The following ESRP2 variants were observed in gnomAD, a reference collection of about 807,000 sequenced individuals.
ESRP2 encodes epithelial splicing regulatory protein 2.
Under a neutral mutation model 78.6 loss-of-function variants are expected in ESRP2, and 48 were observed. The ratio of observed to expected loss-of-function variants is 0.61; its 90% confidence interval spans 0.48 to 0.78. The LOEUF is 0.78. Ranked by LOEUF, ESRP2 falls within the 30% of genes least tolerant of loss-of-function variation. The pLI, the probability that ESRP2 is intolerant of heterozygous loss-of-function variation, is 0.00. For missense variants in ESRP2, 863 were observed against 965.9 expected, an observed-to-expected ratio of 0.89 and a Z score of 1.41; for synonymous variants, 383 against 406.7, an observed-to-expected ratio of 0.94 and a Z score of 0.70.
chr16:68,236,115 G>T lies in ESRP2; in HGVS notation c.-70C>A. The T allele has an allele frequency of 7.4e-6, 10 of 1,346,608 alleles. No homozygotes were observed. The highest frequency in any genetic ancestry group is 9.5e-6 in the Non-Finnish European group (10 of 1,056,620). The allele number at this position is 1,346,608 out of a possible 1,614,324, so 83.4% of individuals were successfully genotyped here. Reference sequence around the variant, plus strand: ...AGGCGCACGCACGCACCGACCGACCGCAGACGCGGATCAGCTTGGGCGGGA... The same window carrying T: ...AGGCGCACGCACGCACCGACCGACCTCAGACGCGGATCAGCTTGGGCGGGA... On this transcript the variant is annotated 5_prime_UTR_variant, in exon 1 of 15. Transcript: ENST00000473183. The surrounding 1 kb of genome is among the most constrained non-coding windows in gnomAD (Gnocchi z 5.2).
chr16:68,233,754 T>C lies in ESRP2; in HGVS notation c.556+14A>G. The C allele has an allele frequency of 6.2e-7, 1 of 1,600,466 alleles. No individual in the cohort carries two copies. The highest frequency in any genetic ancestry group is 8.6e-7 in the Non-Finnish European group (1 of 1,168,120). On this transcript the variant is annotated intron_variant, in intron 4 of 14. Coordinates refer to ENST00000473183, the MANE Select transcript of ESRP2 (RefSeq NM_024939.3). ...AGTGGCTTCTCCACCCTAACCCTGCTGGGTCACAGATACCCTGTGCCATGG... is the reference window on the plus strand; with the variant it reads ...AGTGGCTTCTCCACCCTAACCCTGCCGGGTCACAGATACCCTGTGCCATGG...
chr16:68,233,718 CAT>C (rs1567565838), intron 4 of ESRP2, 48 bp downstream of exon 4: 1 of 1,361,564 alleles, frequency 7.3e-7, no homozygotes, highest in Admixed American at 1.7e-5. Flanking sequence ...TACTCAGACA[CAT>C]GTACCCACAG....
rs1331040877 is a variant in ESRP2, at chr16:68,231,309, C to T, written c.1580G>A (p.Arg527His). The change falls in exon 12 of 15, where the codon CGT becomes CAT. Residue 527 changes from arginine (R) to histidine (H), a missense_variant. Arg to His is a conservative substitution (Grantham distance 29). Transcript: ENST00000473183. This position sits in a 1 kb window ranked among gnomAD's most constrained non-coding sequence, Gnocchi z 6.0. ...SAERALAAAQ[R>H]CHKKVMKERY... Reference sequence around the variant, plus strand: ...CTCCTTCATCACCTTCTTATGGCAACGCTGAGCAGCAGCTAGGGCTCGCTC... The same window carrying T: ...CTCCTTCATCACCTTCTTATGGCAATGCTGAGCAGCAGCTAGGGCTCGCTC... The T allele has an allele frequency of 7.4e-6, 12 of 1,614,038 alleles. No homozygotes were observed. The highest frequency in any genetic ancestry group is 2.7e-5 in the African/African-American group (2 of 74,908).
chr16:68,234,559 C>T (rs565138328), intron 2 of ESRP2: 99 of 157,004 alleles, frequency 6.3e-4, no homozygotes, highest in African/African-American at 2.2e-3. Flanking sequence ...TCTGACCAAC[C>T]GAGGGGCAGA....
At position 68,231,465 on chromosome 16, in the gene ESRP2, C is replaced by T; in HGVS notation, c.1512+17G>A. On this transcript the variant is annotated intron_variant, in intron 11 of 14. Coordinates refer to ENST00000473183, the MANE Select transcript of ESRP2 (RefSeq NM_024939.3). The surrounding 1 kb of genome is among the most constrained non-coding windows in gnomAD (Gnocchi z 6.0). ...CCTTCCTATTTATGTGTTCCCCCTA[C>T]CAAGCAGTGGCTTCACCTGCTGGTT... 2 of 1,614,000 alleles carry T rather than the reference C, an allele frequency of 1.2e-6. No homozygotes were observed. Among genetic ancestry groups the T allele is most frequent in the Non-Finnish European group, 1.7e-6 (2 of 1,179,944 alleles).
chr16:68,230,013 C>T lies in ESRP2; in HGVS notation c.*213G>A, dbSNP rs1366853817. The T allele has an allele frequency of 5.0e-6, 3 of 594,346 alleles. No individual in the cohort carries two copies. In the African/African-American group the frequency reaches 5.6e-5, roughly 11 times the overall value. 36.8% of individuals were successfully genotyped at this position (594,346 alleles called of 1,614,324 possible). A position where few individuals can be genotyped will look rare whatever the true frequency, so the allele number is the denominator to read the frequency against. ...AGGAGCTGGTTAGCCCCATTCCACC[C>T]CCAGCCCTGCATGCAGGGTCCAGCC... On this transcript the variant is annotated 3_prime_UTR_variant, in exon 15 of 15. Transcript: ENST00000473183.
In ESRP2 at chr16:68,235,487, C is replaced by G; in HGVS notation, c.327+147G>C. 1 of 1,446,458 alleles carries G rather than the reference C, an allele frequency of 6.9e-7. No individual in the cohort carries two copies. The highest frequency in any genetic ancestry group is 9.0e-7 in the Non-Finnish European group (1 of 1,105,122). 89.6% of individuals were successfully genotyped at this position (1,446,458 alleles called of 1,614,324 possible). ...CGCGGATGAAAGGGGCACGCACACG[C>G]GAGAGTCGCTCAAAGTTTCAAACAA... On this transcript the variant is annotated intron_variant, in intron 2 of 14. Coordinates refer to ENST00000473183, the MANE Select transcript of ESRP2 (RefSeq NM_024939.3). The surrounding 1 kb of genome is among the most constrained non-coding windows in gnomAD (Gnocchi z 5.5).
Position 68,233,990 on chromosome 16 carries a change from A to G in ESRP2, c.441+4T>C, listed in dbSNP as rs760053440. On this transcript the variant is annotated splice_donor_region_variant and intron_variant, in intron 3 of 14. Coordinates refer to ENST00000473183, the MANE Select transcript of ESRP2 (RefSeq NM_024939.3). ...CCCCACCCGGTTTTCCTTCAGGAGC[A>G]TACCTTCCTGGAGGCCTCGGGGTGC... 3 of 1,613,404 alleles carry G rather than the reference A, an allele frequency of 1.9e-6. No individual in the cohort carries two copies. The highest frequency in any genetic ancestry group is 3.3e-5 in the Admixed American group (2 of 60,000).
chr16:68,233,437 G>A lies in ESRP2; in HGVS notation c.557-12C>T. On this transcript the variant is annotated splice_polypyrimidine_tract_variant and intron_variant, in intron 4 of 14. Transcript: ENST00000473183. Reference sequence around the variant, plus strand: ...CTCCAGTCCTAAACCTATGGGCAGAGAAGTGACAGTGAAGACATCTTAGCA... The same window carrying A: ...CTCCAGTCCTAAACCTATGGGCAGAAAAGTGACAGTGAAGACATCTTAGCA... 7.5e-6 allele frequency: 12 copies of A among 1,596,350 alleles called. No individual in the cohort carries two copies. Among genetic ancestry groups the A allele is most frequent in the Non-Finnish European group, 1.0e-5 (12 of 1,163,784 alleles).
Position 68,235,820 on chromosome 16 carries a change from G to A in ESRP2, c.198+28C>T. On this transcript the variant is annotated intron_variant, in intron 1 of 14. Transcript: ENST00000473183. This position sits in a 1 kb window ranked among gnomAD's most constrained non-coding sequence, Gnocchi z 5.5. ...CCCCTCGACCCCGGAAGCTCCCTGG[G>A]GACCTCACCGCCTCTTTTCCACCCT... 6.8e-6 allele frequency: 11 copies of A among 1,610,914 alleles called. No homozygotes were observed. Among genetic ancestry groups the A allele is most frequent in the Non-Finnish European group, 9.3e-6 (11 of 1,179,092 alleles).
chr16:68,236,069 G>T lies in ESRP2; in HGVS notation c.-24C>A. 7 of 1,403,806 alleles carry T rather than the reference G, an allele frequency of 5.0e-6. No individual in the cohort carries two copies. The highest frequency in any genetic ancestry group is 6.4e-6 in the Non-Finnish European group (7 of 1,091,202). 87.0% of individuals were successfully genotyped at this position (1,403,806 alleles called of 1,614,324 possible). A position where few individuals can be genotyped will look rare whatever the true frequency, so the allele number is the denominator to read the frequency against. On this transcript the variant is annotated 5_prime_UTR_variant, in exon 1 of 15. Coordinates refer to ENST00000473183, the MANE Select transcript of ESRP2 (RefSeq NM_024939.3). This position sits in a 1 kb window ranked among gnomAD's most constrained non-coding sequence, Gnocchi z 5.2. ...ATGGCCGCAGAGGAAGGGGGCTCTC[G>T]GCCAGACACGCGGACCGACGAGGCG...
rs1168445858 is a variant in ESRP2, at chr16:68,235,225, A to T, written c.327+409T>A. On this transcript the variant is annotated intron_variant, in intron 2 of 14. Transcript: ENST00000473183. This position sits in a 1 kb window ranked among gnomAD's most constrained non-coding sequence, Gnocchi z 5.5. ...CTACGCCTCCGCTCCAGCAGCTCCC[A>T]AGCAGGCCGAAGACGCGGGCCGCAA... 1.0e-6 allele frequency: 1 copy of T among 985,200 alleles called. No homozygotes were observed. Among genetic ancestry groups the T allele is most frequent in the African/African-American group, 1.7e-5 (1 of 57,202 alleles). The allele number at this position is 985,200 out of a possible 1,614,324, so 61.0% of individuals were successfully genotyped here.
Position 68,231,389 on chromosome 16 carries a change from T to C in ESRP2, c.1513-13A>G. ...CCGATGGCCGGCCCTGTGCACACCA[T>C]CTTGTGAGCAGTTTGTCATGTGTAA... On this transcript the variant is annotated splice_polypyrimidine_tract_variant and intron_variant, in intron 11 of 14. Coordinates refer to ENST00000473183, the MANE Select transcript of ESRP2 (RefSeq NM_024939.3). This position sits in a 1 kb window ranked among gnomAD's most constrained non-coding sequence, Gnocchi z 6.0. 1 of 1,614,020 alleles carries C rather than the reference T, an allele frequency of 6.2e-7. No individual in the cohort carries two copies. Among genetic ancestry groups the C allele is most frequent in the Non-Finnish European group, 8.5e-7 (1 of 1,179,964 alleles).
At position 68,236,098 on chromosome 16, in the gene ESRP2, GCACGCA is replaced by G; in HGVS notation, c.-59_-54del. 2 of 1,370,124 alleles carry G rather than the reference GCACGCA, an allele frequency of 1.5e-6. No homozygotes were observed. Among genetic ancestry groups the G allele is most frequent in the Non-Finnish European group, 1.9e-6 (2 of 1,071,242 alleles). The allele number at this position is 1,370,124 out of a possible 1,614,324, so 84.9% of individuals were successfully genotyped here. On this transcript the variant is annotated 5_prime_UTR_variant, in exon 1 of 15. Transcript: ENST00000473183. The surrounding 1 kb of genome is among the most constrained non-coding windows in gnomAD (Gnocchi z 5.2). Reference sequence around the variant, plus strand: ...AGACACGCGGACCGACGAGGCGCACGCACGCACCGACCGACCGCAGACGCGGATCAG... The same window carrying G: ...AGACACGCGGACCGACGAGGCGCACGCCGACCGACCGCAGACGCGGATCAG...
chr16:68,235,836 T>A lies in ESRP2; in HGVS notation c.198+12A>T, dbSNP rs1211601538. On this transcript the variant is annotated intron_variant, in intron 1 of 14. Coordinates refer to ENST00000473183, the MANE Select transcript of ESRP2 (RefSeq NM_024939.3). This position sits in a 1 kb window ranked among gnomAD's most constrained non-coding sequence, Gnocchi z 5.5. ...GCTCCCTGGGGACCTCACCGCCTCT[T>A]TTCCACCCTACCTGGCGGCTCCGCG... is the stretch of plus-strand genomic sequence containing the variant. 1 of 1,611,616 alleles carries A rather than the reference T, an allele frequency of 6.2e-7. No individual in the cohort carries two copies. Among genetic ancestry groups the A allele is most frequent in the African/African-American group, 1.3e-5 (1 of 74,886 alleles).
Position 68,231,652 on chromosome 16 carries a change from T to A in ESRP2, c.1342A>T (p.Thr448Ser). Residue 448 changes from threonine to serine, a missense_variant, in exon 11 of 15, where the codon ACT (threonine) becomes TCT (serine). Transcript: ENST00000473183. The surrounding 1 kb of genome is among the most constrained non-coding windows in gnomAD (Gnocchi z 6.0). The stretch of plus-strand genomic sequence containing the variant: ...AAGGGGATGGGCAGCAGTGGGGCAG[T>A]CAGTGTAGGAAGGAGTGGGCCGGAT... ...YASGPLLPTL[T>S]APLLPIPFPL... 10 of 1,613,494 alleles carry A rather than the reference T, an allele frequency of 6.2e-6. No homozygotes were observed. The highest frequency in any genetic ancestry group is 8.5e-6 in the Non-Finnish European group (10 of 1,179,728).
chr16:68,234,253 G>A, intron 2 of ESRP2, 146 bp from the exon 3 acceptor site: 1 of 637,748 alleles, frequency 1.6e-6, no homozygotes, highest in South Asian at 1.9e-5. Context: ...GGCCACGCCT[G>A]TTGAGCCTAG....
Position 68,235,412 on chromosome 16 carries a change from G to A in ESRP2, c.327+222C>T, listed in dbSNP as rs565278159. ...CGTCCCGATCCCTTCGGTAGGAGTA[G>A]GTTCCTGCAATGGTTGAAAAGTAAG... is the stretch of plus-strand genomic sequence containing the variant. On this transcript the variant is annotated intron_variant, in intron 2 of 14. Transcript: ENST00000473183. The surrounding 1 kb of genome is among the most constrained non-coding windows in gnomAD (Gnocchi z 5.5). The A allele has an allele frequency of 2.0e-6, 2 of 985,468 alleles. No homozygotes were observed. The highest frequency in any genetic ancestry group is 2.3e-4 in the East Asian group (2 of 8,816). The allele number at this position is 985,468 out of a possible 1,614,324, so 61.0% of individuals were successfully genotyped here. A position where few individuals can be genotyped will look rare whatever the true frequency, so the allele number is the denominator to read the frequency against.
Position 68,235,056 on chromosome 16 carries a change from G to A in ESRP2, c.327+578C>T. On this transcript the variant is annotated intron_variant, in intron 2 of 14. Coordinates refer to ENST00000473183, the MANE Select transcript of ESRP2 (RefSeq NM_024939.3). This position sits in a 1 kb window ranked among gnomAD's most constrained non-coding sequence, Gnocchi z 5.5. Reference sequence around the variant, plus strand: ...CCACCTCCCACTTCAGCTAGGGCAGGAGGCACCCCAGGCCTTTGCACTCAG... The same window carrying A: ...CCACCTCCCACTTCAGCTAGGGCAGAAGGCACCCCAGGCCTTTGCACTCAG... The A allele has an allele frequency of 1.1e-6, 1 of 913,144 alleles. No individual in the cohort carries two copies. The allele number at this position is 913,144 out of a possible 1,614,324, so 56.6% of individuals were successfully genotyped here.
Sources: allele counts gnomAD v4.1 joint callset, GRCh38; gene constraint gnomAD v4.1.1; non-coding constraint Gnocchi (gnomAD v3.1); transcripts MANE v1.5; gene names NCBI Gene and HGNC (gene_info 2026-07-23, HGNC 2026-07-21).